NR2C2: variants seen among roughly 807,000 people sequenced by gnomAD.
NR2C2 encodes nuclear receptor subfamily 2 group C member 2, also known as Nuclear hormone receptor TR4.
A neutral mutation model predicts 62.9 loss-of-function variants in NR2C2; 6 were observed. The observed-to-expected ratio is 0.10, with a 90% CI of 0.05 to 0.19. The LOEUF (loss-of-function observed/expected upper bound fraction) is 0.19, where lower values mean the gene tolerates loss of function less well. NR2C2 is among the 10% of genes least tolerant of loss of function. The probability of loss-of-function intolerance (pLI) is 1.00; values close to 1 mark genes in which losing one functional copy is unlikely to be tolerated. For synonymous variants in NR2C2, 272 were observed against 273.8 expected, an observed-to-expected ratio of 0.99 and a Z score of 0.07; for missense variants, 479 against 762.7, an observed-to-expected ratio of 0.63 and a Z score of 4.38.
At chr3:14,964,713 C>T (rs547946740) in intron 1 of NR2C2, among the ~76,000 whole-genome samples, 3 of 150,642 alleles carry the variant, frequency 2.0e-5, no homozygotes, top group Non-Finnish European at 4.4e-5. Context: ...TTAGTAGAGA[C>T]GGGTTTCACC....
chr3:14,972,447 T>TACA (rs2040071368), intron 1 of NR2C2, among the ~76,000 whole-genome samples: 1 of 152,236 alleles, frequency 6.6e-6, no homozygotes, highest in African/African-American at 2.4e-5. Context: ...AGTGCTGGAT[T>TACA]ACAGGCATGA....
chr3:15,015,367 C>G (rs1369744140), intron 3 of NR2C2, among the ~76,000 whole-genome samples: 1 of 152,230 alleles, frequency 6.6e-6, no homozygotes, highest in African/African-American at 2.4e-5. Flanking sequence ...AAAATCACCA[C>G]AAATGAGGGG....
chr3:14,988,985 A>C (rs1039431671), intron 1 of NR2C2, among the ~76,000 whole-genome samples: 1 of 152,094 alleles, frequency 6.6e-6, no homozygotes, highest in South Asian at 2.1e-4. Context: ...AAATATCCGT[A>C]ATACCTCTTT....
chr3:15,014,800 C>A (rs1316250990), intron 3 of NR2C2, among the ~76,000 whole-genome samples: 1 of 152,180 alleles, frequency 6.6e-6, no homozygotes, highest in African/African-American at 2.4e-5. Context: ...GAATTCCATT[C>A]CTTTTAAAGG....
intron 1 of NR2C2, among the ~76,000 whole-genome samples, chr3:14,970,428 C>T (rs1206959252): frequency 6.6e-6 from 1 of 152,150 alleles, no homozygotes; most frequent in Non-Finnish European, 1.5e-5. Flanking sequence ...CCATCCATCT[C>T]TAGAACTTTT....
intron 13 of NR2C2, among the ~76,000 whole-genome samples, chr3:15,041,166 G>A (rs142643803): frequency 6.6e-6 from 1 of 152,306 alleles, no homozygotes; most frequent in East Asian, 1.9e-4. Context: ...GGCCTAGAGT[G>A]TTTTACATCC....
chr3:14,997,546 C>G (rs1196774876), intron 1 of NR2C2, among the ~76,000 whole-genome samples: 1 of 152,146 alleles, frequency 6.6e-6, no homozygotes, highest in Non-Finnish European at 1.5e-5. Context: ...TACATGGATC[C>G]TGGGAGACAT....
intron 12 of NR2C2, 183 bp from the exon 13 acceptor site, chr3:15,038,939 A>G: frequency 1.7e-6 from 1 of 588,206 alleles, no homozygotes; most frequent in Middle Eastern, 4.6e-4. Context: ...CAGGAACTTC[A>G]GGCCTGGGCA....
chr3:15,035,548 C>A (rs143514034), intron 11 of NR2C2, among the ~76,000 whole-genome samples: 120 of 152,382 alleles, frequency 7.9e-4, no homozygotes, highest in Middle Eastern at 3.4e-3. Flanking sequence ...TATGGAGGAA[C>A]TGAGGCCCTG....
chr3:15,032,687 T>C (rs1164875019), intron 10 of NR2C2, among the ~76,000 whole-genome samples, 187 bp downstream of exon 10: 1 of 152,194 alleles, frequency 6.6e-6, no homozygotes, highest in Non-Finnish European at 1.5e-5. Flanking sequence ...AGTTCTGCAA[T>C]GTTCCTCTAA....
At chr3:14,968,775 C>G (rs1483455129) in intron 1 of NR2C2, among the ~76,000 whole-genome samples, 20 of 137,712 alleles carry the variant, frequency 1.5e-4, no homozygotes, top group Admixed American at 1.3e-3. Context: ...GAAAATGTGG[C>G]ACATATACAC....
At chr3:14,980,014 T>G (rs537071244) in intron 1 of NR2C2, among the ~76,000 whole-genome samples, 81 of 152,160 alleles carry the variant, frequency 5.3e-4, no homozygotes, top group African/African-American at 1.8e-3. Context: ...TTGCTCCCTA[T>G]TTTAAAACCA....
At chr3:15,025,774 A>G (rs2041806251) in intron 7 of NR2C2, 2 of 152,270 alleles carry the variant, frequency 1.3e-5, no homozygotes, top group African/African-American at 4.8e-5. Context: ...TGGCTTTGGT[A>G]CAAACCATAT....
intron 3 of NR2C2, among the ~76,000 whole-genome samples, chr3:15,015,254 T>C (rs1200699328): frequency 6.6e-6 from 1 of 152,248 alleles, no homozygotes; most frequent in African/African-American, 2.4e-5. Flanking sequence ...TTAAGGCTTA[T>C]TGTTGGCTCA....
At chr3:15,036,490 G>A (rs765222685) in intron 11 of NR2C2, among the ~76,000 whole-genome samples, 1 of 152,026 alleles carries the variant, frequency 6.6e-6, no homozygotes, top group African/African-American at 2.4e-5. Flanking sequence ...TTTTGTTGTT[G>A]TTGTTTTGTT....
At chr3:14,948,645 C>T (rs890216913) in intron 1 of NR2C2, 3 of 153,190 alleles carry the variant, frequency 2.0e-5, no homozygotes, top group African/African-American at 7.2e-5. Flanking sequence ...GAGGCCGGCG[C>T]CTGGTCTTGG....
At chr3:14,980,356 A>G (rs2040330477) in intron 1 of NR2C2, among the ~76,000 whole-genome samples, 1 of 151,720 alleles carries the variant, frequency 6.6e-6, no homozygotes, top group Non-Finnish European at 1.5e-5. Context: ...AGAGACAGGA[A>G]CTCACTATGT....
At chr3:14,989,431 A>G (rs1176105321) in intron 1 of NR2C2, among the ~76,000 whole-genome samples, 2 of 152,118 alleles carry the variant, frequency 1.3e-5, no homozygotes, top group Non-Finnish European at 2.9e-5. Flanking sequence ...GGTCTTTTCT[A>G]TGTAACACAG....
At chr3:15,017,562 T>C (rs376980408) in intron 4 of NR2C2, among the ~76,000 whole-genome samples, 30 of 152,180 alleles carry the variant, frequency 2.0e-4, no homozygotes, top group African/African-American at 7.0e-4. Context: ...CCATAGAATC[T>C]GCTTGGCTTC....
Sources: allele counts gnomAD v4.1 joint callset (sites outside exome capture counted in the v4.1 genomes callset), GRCh38; gene constraint gnomAD v4.1.1; transcripts MANE v1.5; gene names NCBI Gene and HGNC (gene_info 2026-07-23, HGNC 2026-07-21).